The following PTPRD variants were observed in gnomAD, a reference collection of about 807,000 sequenced individuals.
The protein encoded by PTPRD is receptor-type tyrosine-protein phosphatase delta.
Under a neutral mutation model 214.5 loss-of-function variants are expected in PTPRD, and 34 were observed. That is an observed-to-expected ratio of 0.16 (90% CI 0.12 to 0.21). The LOEUF is 0.21. Ranked by LOEUF, PTPRD falls within the 10% of genes least tolerant of loss-of-function variation. The probability of loss-of-function intolerance (pLI) is 1.00; values close to 1 mark genes in which losing one functional copy is unlikely to be tolerated. For synonymous variants in PTPRD, 1,128 were observed against 845.7 expected (o/e 1.33, Z -5.79); for missense variants, 2,545 against 2,398.7 (o/e 1.06, Z -1.27).
intron 3 of PTPRD, among the ~76,000 whole-genome samples, chr9:10,228,523 G>A (rs753555634): frequency 6.6e-6 from 1 of 151,808 alleles, no homozygotes; most frequent in Non-Finnish European, 1.5e-5. Context: ...GGTAGAAAAT[G>A]ACTTTTCGAA....
chr9:8,636,044 T>A (rs1277416579), intron 13 of PTPRD, among the ~76,000 whole-genome samples: 2 of 152,206 alleles, frequency 1.3e-5, no homozygotes, highest in African/African-American at 4.8e-5. Context: ...CATGTGTTTC[T>A]TTCAGAATAG....
At chr9:10,149,265 A>T (rs2154276055) in intron 3 of PTPRD, among the ~76,000 whole-genome samples, 1 of 152,338 alleles carries the variant, frequency 6.6e-6, no homozygotes, top group Non-Finnish European at 1.5e-5. Flanking sequence ...TTACTAAAAC[A>T]TAACATCAAC....
rs1027579192 is a variant in PTPRD, at chr9:9,935,759, C to T, written c.-368+2748G>A. Among the ~76,000 whole-genome samples, 21 of 148,406 alleles carry T rather than the reference C, an allele frequency of 1.4e-4. No homozygotes were observed. In the South Asian group the frequency reaches 1.9e-3, roughly 13 times the overall value. On this transcript the variant is annotated intron_variant, in intron 5 of 45. Coordinates refer to ENST00000381196, the MANE Select transcript of PTPRD (RefSeq NM_002839.4). ...TTCATATGGAACCAAAAAAAAAGCC[C>T]GCATTGCCAAGTCAATCCTAAGCCA...
chr9:8,600,998 C>T (rs1489104188), intron 14 of PTPRD, among the ~76,000 whole-genome samples: 3 of 152,072 alleles, frequency 2.0e-5, no homozygotes, highest in African/African-American at 7.2e-5. Context: ...ATTTCTAGAC[C>T]TGCCCTGGGC....
chr9:10,239,412 A>C (rs964820276), intron 3 of PTPRD, among the ~76,000 whole-genome samples: 2 of 151,992 alleles, frequency 1.3e-5, no homozygotes, highest in Non-Finnish European at 2.9e-5. Flanking sequence ...TTTCCCAAGC[A>C]AGCATTAATA....
chr9:8,583,317 C>A (rs955292006), intron 14 of PTPRD, among the ~76,000 whole-genome samples: 21 of 151,918 alleles, frequency 1.4e-4, no homozygotes, highest in African/African-American at 5.1e-4. Flanking sequence ...GGGTTGGGGA[C>A]CCCTGATTTA....
chr9:8,959,969 CA>C (rs150706686), intron 11 of PTPRD, among the ~76,000 whole-genome samples: 2,233 of 152,162 alleles, frequency 0.015, 26 homozygotes, highest in Non-Finnish European at 0.024. Context: ...TTTCTTTCCC[CA>C]GTCACACTGT....
chr9:8,542,540 T>A (rs2078742212), intron 14 of PTPRD, among the ~76,000 whole-genome samples: 1 of 152,208 alleles, frequency 6.6e-6, no homozygotes, highest in Non-Finnish European at 1.5e-5. Flanking sequence ...TTTGCATATG[T>A]TTTCAGTCAT....
At chr9:10,590,137 G>T (rs1270392302) in intron 2 of PTPRD, among the ~76,000 whole-genome samples, 1 of 151,954 alleles carries the variant, frequency 6.6e-6, no homozygotes, top group Non-Finnish European at 1.5e-5. Flanking sequence ...CTAGTATAAA[G>T]TGATAATTAG....
chr9:8,534,340 G>A (rs555001400), intron 14 of PTPRD, among the ~76,000 whole-genome samples: 4 of 151,788 alleles, frequency 2.6e-5, no homozygotes, highest in Non-Finnish European at 5.9e-5. Flanking sequence ...GAATAACAAT[G>A]GAATTCTTGG....
intron 11 of PTPRD, among the ~76,000 whole-genome samples, chr9:8,879,685 C>A (rs182045790): frequency 5.9e-5 from 9 of 152,246 alleles, no homozygotes; most frequent in Non-Finnish European, 1.3e-4. Flanking sequence ...AAACAGAATC[C>A]TGGATCTTAG....
At chr9:10,551,088 C>T (rs2061255990) in intron 2 of PTPRD, among the ~76,000 whole-genome samples, 3 of 152,118 alleles carry the variant, frequency 2.0e-5, no homozygotes, top group African/African-American at 7.2e-5. Flanking sequence ...AATCGCAGTC[C>T]TTTGAAAAGC....
chr9:9,414,002 C>T (rs1368500629), intron 8 of PTPRD, among the ~76,000 whole-genome samples: 1 of 152,054 alleles, frequency 6.6e-6, no homozygotes, highest in African/African-American at 2.4e-5. Flanking sequence ...CTTGCAACAC[C>T]TTTTTTCTTT....
At chr9:10,095,046 A>AT (rs1401411239) in intron 3 of PTPRD, among the ~76,000 whole-genome samples, 3 of 151,358 alleles carry the variant, frequency 2.0e-5, no homozygotes, top group South Asian at 2.1e-4. Flanking sequence ...TCAGCATAGA[A>AT]TTTTTTTAAA....
chr9:8,597,773 C>A (rs917249471), intron 14 of PTPRD, among the ~76,000 whole-genome samples: 1 of 152,112 alleles, frequency 6.6e-6, no homozygotes, highest in Non-Finnish European at 1.5e-5. Context: ...GCTTGGCATT[C>A]ATACAGAATC....
At chr9:9,404,395 T>G (rs181131201) in intron 8 of PTPRD, among the ~76,000 whole-genome samples, 1 of 152,064 alleles carries the variant, frequency 6.6e-6, no homozygotes, top group Non-Finnish European at 1.5e-5. Flanking sequence ...GAGATTGGTA[T>G]AGATCTGGAA....
chr9:9,071,903 T>C (rs563096855), intron 10 of PTPRD, among the ~76,000 whole-genome samples: 1 of 152,200 alleles, frequency 6.6e-6, no homozygotes, highest in South Asian at 2.1e-4. Context: ...TACTTGAGAG[T>C]AAAATATGCT....
chr9:9,118,192 A>T (rs1399547763), intron 10 of PTPRD, among the ~76,000 whole-genome samples: 1 of 152,204 alleles, frequency 6.6e-6, no homozygotes, highest in East Asian at 1.9e-4. Context: ...GCATAACACT[A>T]TAAAAGTATT....
chr9:9,357,150 C>T (rs939540841), intron 9 of PTPRD, among the ~76,000 whole-genome samples: 7 of 151,260 alleles, frequency 4.6e-5, no homozygotes, highest in South Asian at 2.1e-4. Flanking sequence ...CTTATTTTAA[C>T]GGATTCCCAG....
Sources: gnomAD v4.1 joint callset for allele counts (sites outside exome capture counted in the v4.1 genomes callset) on GRCh38, gnomAD v4.1.1 for gene constraint, MANE v1.5 for transcripts, NCBI Gene and HGNC (gene_info 2026-07-23, HGNC 2026-07-21) for gene names.